TMEM268: variants seen among roughly 807,000 people sequenced by gnomAD.
TMEM268 encodes the protein transmembrane protein 268.
Under a neutral mutation model 39.1 loss-of-function variants are expected in TMEM268, and 24 were observed. That is an observed-to-expected ratio of 0.61 (90% CI 0.44 to 0.86). The LOEUF is 0.86. TMEM268 is among the 40% of genes least tolerant of loss of function. TMEM268 has a pLI of 0.00. For missense variants in TMEM268, 409 were observed against 428.6 expected, an observed-to-expected ratio of 0.95 and a Z score of 0.40; for synonymous variants, 176 against 173.5, an observed-to-expected ratio of 1.01 and a Z score of -0.12.
chr9:114,624,232 C>G lies in TMEM268; in HGVS notation c.107-118C>G. 4 of 1,483,844 alleles carry G rather than the reference C, an allele frequency of 2.7e-6. No homozygotes were observed. The Admixed American group carries it at 9.1e-5, about 34-fold the overall frequency. 91.9% of individuals were successfully genotyped at this position (1,483,844 alleles called of 1,614,324 possible). ...GGATTTGAGGATGGCCACCGTGTCC[C>G]TCCTTGTTGCGAGGAGGTTCTCATG... On this transcript the variant is annotated intron_variant, in intron 2 of 8. Coordinates refer to ENST00000288502, the MANE Select transcript of TMEM268 (RefSeq NM_153045.4).
intron 2 of TMEM268, 54 bp from the exon 3 acceptor site, chr9:114,624,296 A>G: frequency 6.4e-7 from 1 of 1,551,640 alleles, no homozygotes; most frequent in Non-Finnish European, 8.7e-7. Context: ...GGCTCACCCC[A>G]CGAGCCTGGT....
intron 2 of TMEM268, chr9:114,622,210 G>T (rs1291709479): frequency 1.0e-6 from 1 of 985,330 alleles, no homozygotes; most frequent in Admixed American, 6.1e-5. Flanking sequence ...CTCAAGTACT[G>T]TTCAGAGCTA....
At chr9:114,642,100 C>T (rs536123206) in intron 8 of TMEM268, among the ~76,000 whole-genome samples, 64 of 152,290 alleles carry the variant, frequency 4.2e-4, no homozygotes, top group Non-Finnish European at 7.6e-4. Flanking sequence ...ACATTCACAT[C>T]GTTATGCAAC....
chr9:114,610,021 A>C (rs1370277589), upstream of TMEM268, among the ~76,000 whole-genome samples: 1 of 151,942 alleles, frequency 6.6e-6, no homozygotes, highest in Non-Finnish European at 1.5e-5. Context: ...GGTTGGTGCA[A>C]AAATAATCGC....
At chr9:114,628,055 C>G in intron 4 of TMEM268, 46 bp from the exon 5 acceptor site, 1 of 1,603,804 alleles carries the variant, frequency 6.2e-7, no homozygotes, top group Non-Finnish European at 8.5e-7. Context: ...CTGCTTTATG[C>G]AAGGACTGAA....
At chr9:114,608,552 C>T (rs1357046701), upstream of TMEM268, among the ~76,000 whole-genome samples, 1 of 152,224 alleles carries the variant, frequency 6.6e-6, no homozygotes, top group Non-Finnish European at 1.5e-5. Context: ...TGGAGGAGGG[C>T]AACCTTGTTG....
intron 2 of TMEM268, among the ~76,000 whole-genome samples, chr9:114,620,683 A>C (rs1292599561): frequency 6.6e-6 from 1 of 152,222 alleles, no homozygotes; most frequent in Non-Finnish European, 1.5e-5. Flanking sequence ...AATTATGAAA[A>C]TAGCAGCCAG....
At chr9:114,617,382 A>G in intron 2 of TMEM268, 81 bp downstream of exon 2, 2 of 1,122,370 alleles carry the variant, frequency 1.8e-6, no homozygotes, top group Non-Finnish European at 2.7e-6. Context: ...GTTCCTTTAG[A>G]TAAGGTCAGG....
intron 8 of TMEM268, among the ~76,000 whole-genome samples, chr9:114,641,340 C>A (rs929357320): frequency 3.3e-5 from 5 of 152,222 alleles, no homozygotes; most frequent in Non-Finnish European, 5.9e-5. Flanking sequence ...ACTTTAAAGC[C>A]TATCCTTAAT....
chr9:114,622,848 T>C (rs1437163999), intron 2 of TMEM268, among the ~76,000 whole-genome samples: 1 of 152,030 alleles, frequency 6.6e-6, no homozygotes, highest in African/African-American at 2.4e-5. Context: ...CCCAGTACTT[T>C]GGGAGGCCGA....
intron 2 of TMEM268, among the ~76,000 whole-genome samples, chr9:114,622,881 G>T (rs1846000157): frequency 6.6e-6 from 1 of 152,040 alleles, no homozygotes; most frequent in African/African-American, 2.4e-5. Context: ...ACATGAAGCT[G>T]GGAGTTTGAG....
Position 114,611,559 on chromosome 9 carries a change from C to CGGCGGCGCGGGCGGTGA in TMEM268, c.-82_-81insCGGCGCGGGCGGTGAGG, listed in dbSNP as rs1161043080. The CGGCGGCGCGGGCGGTGA allele has an allele frequency of 3.6e-5, 5 of 139,922 alleles. No individual in the cohort carries two copies. Among genetic ancestry groups the CGGCGGCGCGGGCGGTGA allele is most frequent in the African/African-American group, 1.2e-4 (4 of 34,460 alleles). 8.7% of individuals were successfully genotyped at this position (139,922 alleles called of 1,614,324 possible). ...GGCGGCGGCGGCGGCGGCGGCGGCG[C>CGGCGGCGCGGGCGGTGA]GGGCGGTGAGTGTGCGCGGGCCCGG... On this transcript the variant is annotated 5_prime_UTR_variant, in exon 1 of 9. Transcript: ENST00000288502.
intron 8 of TMEM268, among the ~76,000 whole-genome samples, chr9:114,640,468 A>G (rs1012786704): frequency 2.0e-5 from 3 of 152,206 alleles, no homozygotes; most frequent in Admixed American, 2.0e-4. Flanking sequence ...ATTCATTAGC[A>G]TACTCTTCGA....
chr9:114,604,521 A>G, the TMEM268 span, among the ~76,000 whole-genome samples: 2 of 143,158 alleles, frequency 1.4e-5, no homozygotes, highest in African/African-American at 5.2e-5. Context: ...TGGAGGTTGC[A>G]GTGAGCTGAG....
At chr9:114,609,856 GAGAA>G (rs1246612655), upstream of TMEM268, among the ~76,000 whole-genome samples, 28 of 151,814 alleles carry the variant, frequency 1.8e-4, no homozygotes, top group East Asian at 4.5e-3. Context: ...AAGAAAGAAA[GAGAA>G]AGAGAAAGAA....
chr9:114,617,306 G>T lies in TMEM268; in HGVS notation c.106+5G>T, dbSNP rs772998450. The T allele has an allele frequency of 6.2e-7, 1 of 1,603,358 alleles. No homozygotes were observed. Among genetic ancestry groups the T allele is most frequent in the South Asian group, 1.1e-5 (1 of 90,706 alleles). ...GCCCTCCTGGCTGGGGGCAAGGTAA[G>T]ATCATGACCTTTCATTTTCCACCTT... On this transcript the variant is annotated splice_donor_5th_base_variant and intron_variant, in intron 2 of 8. Transcript: ENST00000288502.
At chr9:114,624,891 G>C (rs533801668) in intron 3 of TMEM268, among the ~76,000 whole-genome samples, 2 of 152,376 alleles carry the variant, frequency 1.3e-5, no homozygotes, top group Admixed American at 1.3e-4. Context: ...TTGCAGAGGA[G>C]CAGATGCTTG....
upstream of TMEM268, among the ~76,000 whole-genome samples, chr9:114,608,732 G>A (rs1845398498): frequency 6.6e-6 from 1 of 152,184 alleles, no homozygotes; most frequent in Admixed American, 6.5e-5. Context: ...ACACTAAATA[G>A]GGACCTGGTG....
rs767944193 is a variant in TMEM268 at position 114,626,883 on chromosome 9, C to T, written c.217-16C>T. The T allele has an allele frequency of 6.3e-6, 10 of 1,587,082 alleles. No individual in the cohort carries two copies. The South Asian group carries it at 8.9e-5, about 14-fold the overall frequency. ...GTCCTGCGGCTGATTGATCTCTTTC[C>T]CTGGGTTCCAAGCAGGTCCCGGCTG... On this transcript the variant is annotated splice_polypyrimidine_tract_variant and intron_variant, in intron 3 of 8. Coordinates refer to ENST00000288502, the MANE Select transcript of TMEM268 (RefSeq NM_153045.4).
Sources: allele counts gnomAD v4.1 joint callset (sites outside exome capture counted in the v4.1 genomes callset), GRCh38; gene constraint gnomAD v4.1.1; transcripts MANE v1.5; gene names NCBI Gene and HGNC (gene_info 2026-07-23, HGNC 2026-07-21).